Variants in MID1 observed in about 807,000 individuals in gnomAD.
MID1 encodes the protein midline 1.
Under a neutral mutation model 40.4 loss-of-function variants are expected in MID1, and 7 were observed. The ratio of observed to expected loss-of-function variants is 0.17; its 90% CI spans 0.10 to 0.33. MID1 has a LOEUF of 0.33. Among genes scored for constraint, MID1 ranks in the 10% least tolerant of loss-of-function variants. The pLI is 1.00. For synonymous variants in MID1, 229 were observed against 221.2 expected, an observed-to-expected ratio of 1.04 and a Z score of -0.31; for missense variants, 367 against 558.5, an observed-to-expected ratio of 0.66 and a Z score of 3.46.
intron 1 of MID1, among the ~76,000 whole-genome samples, chrX:10,789,978 C>T (rs1163075502): frequency 1.8e-5 from 2 of 111,097 alleles, no homozygotes; most frequent in Non-Finnish European, 3.8e-5. Flanking sequence ...CTCATCCTCT[C>T]ACCTTGTTCA....
chrX:10,505,704 G>A, intron 3 of MID1: 1 of 754,252 alleles, frequency 1.3e-6, no homozygotes, highest in Non-Finnish European at 1.6e-6. Context: ...AGATGGAGGT[G>A]ACGTGTTTAA....
intron 3 of MID1, among the ~76,000 whole-genome samples, chrX:10,502,197 G>GA (rs1237951099): frequency 7.2e-5 from 8 of 110,839 alleles, no homozygotes; most frequent in Non-Finnish European, 1.1e-4. Flanking sequence ...ATGAGTGAAG[G>GA]AAAAAAAATA....
At chrX:10,590,608 G>GT (rs1274892454) in intron 1 of MID1, among the ~76,000 whole-genome samples, 4 of 111,625 alleles carry the variant, frequency 3.6e-5, no homozygotes. Flanking sequence ...CAAAATATAT[G>GT]TAAAAAAAAA....
Position 10,567,601 on chromosome X carries a change from T to C in MID1, c.-54A>G. On this transcript the variant is annotated splice_region_variant and 5_prime_UTR_variant, in exon 2 of 10. In the 5' UTR this introduces an upstream ATG that the reference lacks. Coordinates refer to ENST00000317552, the MANE Select transcript of MID1 (RefSeq NM_000381.4). ...GCAAAACCCAAGGAAGCTGATCAGC[T>C]ATCTGGAAACAAGAATGTAAGATTT... The C allele has an allele frequency of 8.4e-7, 1 of 1,187,884 alleles. No homozygotes were observed. The highest frequency in any genetic ancestry group is 1.8e-5 in the South Asian group (1 of 56,359).
intron 2 of MID1, among the ~76,000 whole-genome samples, chrX:10,532,382 T>C (rs1933006609): frequency 1.8e-5 from 2 of 111,044 alleles, no homozygotes; most frequent in African/African-American, 6.6e-5. Flanking sequence ...TGGGTACAGG[T>C]CAAATTTGTA....
chrX:10,800,104 A>G (rs2043996133), intron 1 of MID1, among the ~76,000 whole-genome samples: 1 of 111,543 alleles, frequency 9.0e-6, no homozygotes, highest in African/African-American at 3.3e-5. Flanking sequence ...ACTTGCTTCT[A>G]ACTTATAGGA....
rs757090774 is a variant in MID1, at chrX:10,455,104, AAGGAAG to A, written c.1448-33_1448-28del. ...TGAAAACAAATTCACAAAACAGAAA[AAGGAAG>A]AGGAAGAGGATTGTTTATTTTATCA... On this transcript the variant is annotated intron_variant, in intron 8 of 9. Transcript: ENST00000317552. 2,520 of 1,105,201 alleles carry A rather than the reference AAGGAAG, an allele frequency of 2.3e-3. 2 individuals carry two copies. The highest frequency in any genetic ancestry group is 3.7e-3 in the South Asian group (199 of 54,362). The allele number at this position is 1,105,201 out of a possible 1,213,427, so 91.1% of individuals were successfully genotyped here. A position where few individuals can be genotyped will look rare whatever the true frequency, so the allele number is the denominator to read the frequency against.
rs2044134332 is a variant in MID1 at position 10,816,067 on chromosome X, C to A, written c.-187+17487G>T. 2.7e-5 allele frequency among the ~76,000 whole-genome samples: 3 copies of A among 112,086 alleles called. 1 individual carries two copies. Among genetic ancestry groups the A allele is most frequent in the South Asian group, 7.4e-4 (2 of 2,690 alleles). On this transcript the variant is annotated intron_variant, in intron 1 of 10. Coordinates refer to the MID1 transcript ENST00000380785. Reference sequence around the variant, plus strand: ...ATGAATTTCTGTGACTGAGGCCCACCAATCTGCTTCTTTCCTAGCTCTCAC... The same window carrying A: ...ATGAATTTCTGTGACTGAGGCCCACAAATCTGCTTCTTTCCTAGCTCTCAC...
intron 1 of MID1, among the ~76,000 whole-genome samples, chrX:10,789,086 G>T (rs527527170): frequency 4.5e-5 from 5 of 111,520 alleles, no homozygotes; most frequent in African/African-American, 1.6e-4. Flanking sequence ...CCAGCTATTC[G>T]GGAGGCTGAG....
chrX:10,704,184 A>G (rs1309993852), intron 1 of MID1, among the ~76,000 whole-genome samples: 2 of 112,359 alleles, frequency 1.8e-5, no homozygotes, highest in Non-Finnish European at 3.8e-5. Flanking sequence ...TCCAACAGGC[A>G]AAATAACCTG....
rs536050982 is a variant in MID1 at position 10,700,152 on chromosome X, A to T, written c.-186-79733T>A. 7.5e-4 allele frequency among the ~76,000 whole-genome samples: 83 copies of T among 111,247 alleles called. No homozygotes were observed. In the South Asian group the frequency reaches 0.028, roughly 38 times the overall value. On this transcript the variant is annotated intron_variant, in intron 1 of 10. Transcript: ENST00000380785. Reference sequence around the variant, plus strand: ...AATAGTTTTAATAAAGTTTTACTGTAATATAGTTGTAAGGTAAAGTTATCC... The same window carrying T: ...AATAGTTTTAATAAAGTTTTACTGTTATATAGTTGTAAGGTAAAGTTATCC...
At chrX:10,675,519 C>T (rs946226313) in intron 1 of MID1, among the ~76,000 whole-genome samples, 1 of 111,483 alleles carries the variant, frequency 9.0e-6, no homozygotes, top group Admixed American at 9.6e-5. Context: ...CAGCCCCCAA[C>T]TCCAAACACG....
chrX:10,806,246 TG>T (rs984709883), intron 1 of MID1, among the ~76,000 whole-genome samples: 8 of 111,926 alleles, frequency 7.1e-5, no homozygotes, highest in Admixed American at 3.8e-4. Flanking sequence ...AATTAATTTT[TG>T]TATAAGGTGT....
chrX:10,685,877 TACAC>T (rs56245034), intron 1 of MID1, among the ~76,000 whole-genome samples: 421 of 80,445 alleles, frequency 5.2e-3, no homozygotes, highest in Middle Eastern at 0.014. Flanking sequence ...CACATACTCA[TACAC>T]ACACACACAC....
intron 4 of MID1, among the ~76,000 whole-genome samples, chrX:10,493,509 A>G (rs1476500685): frequency 8.9e-6 from 1 of 112,259 alleles, no homozygotes; most frequent in African/African-American, 3.2e-5. Flanking sequence ...TATTGCAGCA[A>G]TAAGAAACTA....
chrX:10,639,348 T>G lies in MID1; in HGVS notation c.-186-18929A>C, dbSNP rs1453032385. Among the ~76,000 whole-genome samples, 32 of 111,638 alleles carry G rather than the reference T, an allele frequency of 2.9e-4. No homozygotes were observed. The Admixed American group carries it at 3.1e-3, about 11-fold the overall frequency. On this transcript the variant is annotated intron_variant, in intron 1 of 10. Coordinates refer to the MID1 transcript ENST00000380785. ...CCTGACTGAGCTGAAAACCATGGCA[T>G]GAGAACTACGTGATGCACGCACAAG...
At chrX:10,621,508 T>C (rs187133063), upstream of MID1, among the ~76,000 whole-genome samples, 1 of 112,569 alleles carries the variant, frequency 8.9e-6, no homozygotes, top group Admixed American at 9.4e-5. Context: ...GAGTACTTTG[T>C]GTAGAACTAA....
intron 1 of MID1, among the ~76,000 whole-genome samples, chrX:10,650,925 TCTCTCCCTTGCAATCCCCTTATAG>T (rs1205038098): frequency 9.0e-6 from 1 of 111,535 alleles, no homozygotes; most frequent in African/African-American, 3.3e-5. Context: ...GAAAACTCAT[TCTCTCCCTTGCAATCCCCTTATAG>T]CTGGACAGCT....
At chrX:10,552,583 C>A (rs999633715) in intron 2 of MID1, among the ~76,000 whole-genome samples, 13 of 109,279 alleles carry the variant, frequency 1.2e-4, no homozygotes, top group African/African-American at 4.3e-4. Context: ...GTGTTTTTAT[C>A]TTTTTTAATT....
Sources: allele counts gnomAD v4.1 joint callset (sites outside exome capture counted in the v4.1 genomes callset), GRCh38; gene constraint gnomAD v4.1.1; transcripts MANE v1.5; gene names NCBI Gene and HGNC (gene_info 2026-07-23, HGNC 2026-07-21).